GATB: variants seen among roughly 807,000 people sequenced by gnomAD.
GATB encodes the protein glutamyl-tRNA amidotransferase subunit B, also known as glutamyl-tRNA(Gln) amidotransferase subunit B, mitochondrial.
GATB carries 39 observed loss-of-function variants against 62.3 expected under a neutral mutation model. The observed-to-expected ratio is 0.63, with a 90% CI of 0.48 to 0.82. The LOEUF (loss-of-function observed/expected upper bound fraction) is 0.82. Ranked by LOEUF, GATB falls within the 40% of genes least tolerant of loss-of-function variation. The pLI is 0.00. For missense variants in GATB, 670 were observed against 684.0 expected (o/e 0.98, Z 0.23); for synonymous variants, 276 against 258.9 (o/e 1.07, Z -0.63).
At position 151,671,184 on chromosome 4, in the gene GATB, A is replaced by C. The variant is rs1191614664; in HGVS notation, c.1664T>G (p.Leu555Arg). 1 of 1,614,184 alleles carries C rather than the reference A, an allele frequency of 6.2e-7. No homozygotes were observed. The highest frequency in any genetic ancestry group is 8.5e-7 in the Non-Finnish European group (1 of 1,180,034). ...GGGATCCCAAACATCTCACAATGAC[A>C]GCTTCTTCTCCAGGATCTCCTTTAT... is the stretch of plus-strand genomic sequence containing the variant. ...VMIKEILEKK[L>R]SL Residue 555 changes from leucine to arginine, a missense_variant, in exon 13 of 13, where the codon CTG becomes CGG. Coordinates refer to ENST00000263985, the MANE Select transcript of GATB (RefSeq NM_004564.3).
chr4:151,706,971 C>G (rs1167913161), intron 6 of GATB, among the ~76,000 whole-genome samples: 1 of 152,210 alleles, frequency 6.6e-6, no homozygotes, highest in African/African-American at 2.4e-5. Flanking sequence ...CGGGACTGCT[C>G]AGATATTTAT....
rs145316214 is a variant in GATB, at chr4:151,746,894, T to G, written c.327+11878A>C. ...ACATATAAATTTACAAATACACAGA[T>G]GTGTACATGCCCAGAGCCAAGCTCA... On this transcript the variant is annotated intron_variant, in intron 2 of 12. Transcript: ENST00000263985. Among the ~76,000 whole-genome samples, 1,093 of 152,076 alleles carry G rather than the reference T, an allele frequency of 7.2e-3. 12 individuals carry two copies. The highest frequency in any genetic ancestry group is 0.012 in the Admixed American group (190 of 15,284).
At chr4:151,694,516 A>G (rs1171840803) in intron 9 of GATB, among the ~76,000 whole-genome samples, 7 of 152,222 alleles carry the variant, frequency 4.6e-5, no homozygotes, top group Non-Finnish European at 1.5e-5. Context: ...TCTAGTGTAT[A>G]GAGTCACTGT....
At chr4:151,747,041 G>A (rs1180066865) in intron 2 of GATB, among the ~76,000 whole-genome samples, 1 of 152,128 alleles carries the variant, frequency 6.6e-6, no homozygotes, top group Non-Finnish European at 1.5e-5. Flanking sequence ...CTGTGATAAG[G>A]ACAGCAACTG....
chr4:151,714,048 G>A (rs991740123), intron 5 of GATB, among the ~76,000 whole-genome samples: 4 of 152,152 alleles, frequency 2.6e-5, no homozygotes, highest in South Asian at 2.1e-4. Flanking sequence ...TATTATTATC[G>A]TTGAAACACT....
rs1048734698 is a variant in GATB at position 151,760,679 on chromosome 4, C to G, written c.176+128G>C. The G allele has an allele frequency of 5.3e-6, 4 of 759,302 alleles. No individual in the cohort carries two copies. The Admixed American group carries it at 1.4e-4, about 26-fold the overall frequency. The allele number at this position is 759,302 out of a possible 1,614,324, so 47.0% of individuals were successfully genotyped here. A position where few individuals can be genotyped will look rare whatever the true frequency, so the allele number is the denominator to read the frequency against. Reference sequence around the variant, plus strand: ...GTGCTTTTATTTAGGTTTCGGGGCTCCAGGTTATAACTCAACGCCCTCCCG... The same window carrying G: ...GTGCTTTTATTTAGGTTTCGGGGCTGCAGGTTATAACTCAACGCCCTCCCG... On this transcript the variant is annotated intron_variant, in intron 1 of 12. Transcript: ENST00000263985.
At chr4:151,737,270 G>A (rs184754061) in intron 2 of GATB, among the ~76,000 whole-genome samples, 14 of 152,334 alleles carry the variant, frequency 9.2e-5, no homozygotes, top group African/African-American at 2.9e-4. Context: ...GTTGCAAACC[G>A]AAGCAAAGAT....
Position 151,755,073 on chromosome 4 carries a change from A to T in GATB, c.327+3699T>A, listed in dbSNP as rs372503852. On this transcript the variant is annotated intron_variant, in intron 2 of 12. Transcript: ENST00000263985. ...ATTATTAAGAGCTTTTTAATTAATT[A>T]CCTGTTATTACTTGTTAATTATCTG... Among the ~76,000 whole-genome samples the T allele has an allele frequency of 6.6e-5, 10 of 152,306 alleles. No individual in the cohort carries two copies. The East Asian group carries it at 1.3e-3, about 21-fold the overall frequency.
intron 5 of GATB, among the ~76,000 whole-genome samples, chr4:151,708,845 C>T (rs1283193713): frequency 6.6e-6 from 1 of 152,068 alleles, no homozygotes; most frequent in Non-Finnish European, 1.5e-5. Context: ...TTAGGAGCAA[C>T]AAGCCCTAAA....
intron 9 of GATB, among the ~76,000 whole-genome samples, chr4:151,690,775 G>A (rs2126962154): frequency 6.6e-6 from 1 of 152,310 alleles, no homozygotes; most frequent in East Asian, 1.9e-4. Flanking sequence ...GTGCTGTGAT[G>A]AAGCCTCTCT....
At chr4:151,693,085 G>GT (rs1196768250) in intron 9 of GATB, among the ~76,000 whole-genome samples, 4 of 152,132 alleles carry the variant, frequency 2.6e-5, no homozygotes, top group Non-Finnish European at 5.9e-5. Flanking sequence ...CATCACCTGC[G>GT]TATCAACGCA....
chr4:151,708,163 G>T, intron 5 of GATB, 62 bp from the exon 6 acceptor site: 1 of 1,114,988 alleles, frequency 9.0e-7, no homozygotes, highest in Non-Finnish European at 1.4e-6. Context: ...TCTTTTAAAG[G>T]CAGGGAGTGT....
chr4:151,700,923 GC>G (rs1458569765), intron 9 of GATB, among the ~76,000 whole-genome samples: 57 of 152,152 alleles, frequency 3.7e-4, no homozygotes. Context: ...TTTTGAGAAC[GC>G]AACATCCTGC....
intron 2 of GATB, 28 bp downstream of exon 2, chr4:151,758,744 T>C (rs900724848): frequency 4.1e-6 from 6 of 1,474,766 alleles, no homozygotes; most frequent in East Asian, 2.4e-5. Context: ...ATTTTTCTAA[T>C]GAAAATAGGA....
chr4:151,726,542 G>A (rs553499468), intron 2 of GATB, among the ~76,000 whole-genome samples: 2 of 152,304 alleles, frequency 1.3e-5, no homozygotes, highest in South Asian at 4.1e-4. Flanking sequence ...GCATTGCCTA[G>A]GGACAAGGAG....
In GATB at chr4:151,695,979, C is replaced by T. The variant is rs769525526; in HGVS notation, c.1197+5350G>A. Among the ~76,000 whole-genome samples, 18 of 134,100 alleles carry T rather than the reference C, an allele frequency of 1.3e-4. No homozygotes were observed. In the East Asian group the frequency reaches 2.9e-3, roughly 21 times the overall value. 88.0% of individuals were successfully genotyped at this position (134,100 alleles called of 152,430 possible). A position where few individuals can be genotyped will look rare whatever the true frequency, so the allele number is the denominator to read the frequency against. On this transcript the variant is annotated intron_variant, in intron 9 of 12. Transcript: ENST00000263985. ...TAGAGATAGGGGTCTCACTACACTA[C>T]GTTGTTGCCCAAACTGGTCTCGAAA...
intron 12 of GATB, 23 bp from the exon 13 acceptor site, chr4:151,671,325 C>CTT: frequency 6.2e-7 from 1 of 1,611,280 alleles, no homozygotes; most frequent in Non-Finnish European, 8.5e-7. Context: ...AAATTACTTA[C>CTT]TTAAGAGGAG....
chr4:151,703,528 A>G (rs765732023), intron 8 of GATB: 2 of 360,414 alleles, frequency 5.5e-6, no homozygotes, highest in Non-Finnish European at 1.0e-5. Flanking sequence ...TGAACATTAG[A>G]ATAAGAACAG....
intron 9 of GATB, among the ~76,000 whole-genome samples, chr4:151,689,571 G>C (rs1738320969): frequency 6.6e-6 from 1 of 152,146 alleles, no homozygotes; most frequent in Non-Finnish European, 1.5e-5. Flanking sequence ...TATAGCTACA[G>C]CTAAGTCCAT....
Sources: gnomAD v4.1 joint callset for allele counts (sites outside exome capture counted in the v4.1 genomes callset) on GRCh38, gnomAD v4.1.1 for gene constraint, MANE v1.5 for transcripts, NCBI Gene and HGNC (gene_info 2026-07-23, HGNC 2026-07-21) for gene names.